The following EMP2 variants were observed in gnomAD, a reference collection of about 807,000 sequenced individuals.
EMP2 encodes epithelial membrane protein 2.
A neutral mutation model predicts 13.7 loss-of-function variants in EMP2; 19 were observed. The observed-to-expected ratio is 1.38, with a 90% CI of 0.97 to 2.03. EMP2 has a LOEUF of 2.03. EMP2 is among the 30% of genes most tolerant of loss of function. The pLI, the probability that EMP2 is intolerant of heterozygous loss-of-function variation, is 0.00. For synonymous variants in EMP2, 97 were observed against 84.7 expected (o/e 1.15, Z -0.80); for missense variants, 253 against 220.7 (o/e 1.15, Z -0.93).
intron 1 of EMP2, among the ~76,000 whole-genome samples, chr16:10,548,420 G>A (rs2050756289): frequency 6.6e-6 from 1 of 152,178 alleles, no homozygotes; most frequent in Admixed American, 6.5e-5. Context: ...GCTGGGCATG[G>A]TGGCTCACGC....
intron 1 of EMP2, among the ~76,000 whole-genome samples, chr16:10,577,734 G>A (rs12325612): frequency 9.2e-5 from 14 of 152,076 alleles, no homozygotes; most frequent in Admixed American, 2.0e-4. Flanking sequence ...CAGGCATCCC[G>A]AGGCTGGCCT....
intron 1 of EMP2, among the ~76,000 whole-genome samples, chr16:10,556,601 G>A (rs1186860802): frequency 2.0e-5 from 3 of 152,176 alleles, no homozygotes; most frequent in Non-Finnish European, 4.4e-5. Flanking sequence ...CTGGGGAAGG[G>A]GTGCCCACAG....
At chr16:10,561,387 A>G (rs1158735050) in intron 1 of EMP2, among the ~76,000 whole-genome samples, 1 of 152,204 alleles carries the variant, frequency 6.6e-6, no homozygotes, top group Non-Finnish European at 1.5e-5. Context: ...CAGGTGGCAG[A>G]CAAAGCCACT....
At chr16:10,570,930 G>T (rs546688370) in intron 1 of EMP2, among the ~76,000 whole-genome samples, 1 of 152,198 alleles carries the variant, frequency 6.6e-6, no homozygotes, top group East Asian at 1.9e-4. Context: ...GCGAGGGAAA[G>T]AGCAGGTAGA....
intron 1 of EMP2, among the ~76,000 whole-genome samples, chr16:10,556,847 G>A (rs115253963): frequency 6.6e-5 from 10 of 152,088 alleles, no homozygotes; most frequent in African/African-American, 1.9e-4. Context: ...ATTTTTATAC[G>A]ACTCTCTTTC....
chr16:10,562,770 G>C (rs574798612), intron 1 of EMP2, among the ~76,000 whole-genome samples: 1 of 152,206 alleles, frequency 6.6e-6, no homozygotes. Context: ...ACCTTCCCCA[G>C]TGCCCAAGGT....
chr16:10,572,643 G>T (rs1324964040), intron 1 of EMP2, among the ~76,000 whole-genome samples: 2 of 152,128 alleles, frequency 1.3e-5, no homozygotes, highest in East Asian at 3.8e-4. Flanking sequence ...CCAAGTTCAG[G>T]TATTAAGGAT....
intron 1 of EMP2, among the ~76,000 whole-genome samples, chr16:10,568,836 G>C (rs563581098): frequency 4.7e-4 from 64 of 137,266 alleles, no homozygotes; most frequent in African/African-American, 1.8e-3. Context: ...ACCCAAGCTG[G>C]AGTACAGTGG....
intron 1 of EMP2, among the ~76,000 whole-genome samples, chr16:10,562,891 C>G (rs1206196632): frequency 6.6e-6 from 1 of 152,210 alleles, no homozygotes; most frequent in Non-Finnish European, 1.5e-5. Flanking sequence ...TTAAAGAGCT[C>G]ACTGCTGGCT....
At chr16:10,543,042 C>T (rs1015095416) in intron 3 of EMP2, among the ~76,000 whole-genome samples, 7 of 152,138 alleles carry the variant, frequency 4.6e-5, no homozygotes, top group Admixed American at 6.5e-5. Context: ...GATGGGGTTT[C>T]GCCATATTGA....
intron 4 of EMP2, among the ~76,000 whole-genome samples, chr16:10,535,771 G>T (rs932662508): frequency 1.3e-5 from 2 of 152,148 alleles, no homozygotes; most frequent in Admixed American, 6.5e-5. Context: ...GAGGGTGGGG[G>T]GTCCACGCCT....
chr16:10,552,402 A>G (rs1004679159), intron 1 of EMP2, among the ~76,000 whole-genome samples: 5 of 152,230 alleles, frequency 3.3e-5, no homozygotes, highest in African/African-American at 1.2e-4. Flanking sequence ...GTTATAAGGC[A>G]TGATTTTGGA....
intron 2 of EMP2, 161 bp downstream of exon 2, chr16:10,547,379 C>A: frequency 3.9e-6 from 3 of 767,426 alleles, no homozygotes; most frequent in Non-Finnish European, 6.2e-6. Flanking sequence ...CAGAGGCCTC[C>A]CAGACATGTG....
chr16:10,558,832 C>T (rs758240438), intron 1 of EMP2, among the ~76,000 whole-genome samples: 1 of 152,126 alleles, frequency 6.6e-6, no homozygotes, highest in Non-Finnish European at 1.5e-5. Context: ...GGAGAGAGAA[C>T]GTGCTGTTAA....
intron 1 of EMP2, among the ~76,000 whole-genome samples, chr16:10,567,240 C>T (rs1488141341): frequency 1.3e-5 from 2 of 152,210 alleles, no homozygotes; most frequent in Admixed American, 1.3e-4. Context: ...AGCACAGTGC[C>T]TGGTCCACAG....
chr16:10,538,210 G>T (rs2050666044), intron 3 of EMP2, 136 bp from the exon 4 acceptor site: 4 of 1,080,042 alleles, frequency 3.7e-6, no homozygotes, highest in Admixed American at 4.9e-5. Flanking sequence ...CGTCTACATG[G>T]TCTGAGCACA....
intron 4 of EMP2, among the ~76,000 whole-genome samples, chr16:10,535,535 A>G (rs1244092978): frequency 6.6e-6 from 1 of 152,112 alleles, no homozygotes; most frequent in Non-Finnish European, 1.5e-5. Flanking sequence ...CCTGCACAAC[A>G]TAGTGAAACC....
chr16:10,535,228 G>T (rs1383887486), intron 4 of EMP2, among the ~76,000 whole-genome samples: 1 of 152,180 alleles, frequency 6.6e-6, no homozygotes, highest in Non-Finnish European at 1.5e-5. Context: ...GGGAGGGCCA[G>T]GTCTTTGGAC....
intron 1 of EMP2, among the ~76,000 whole-genome samples, chr16:10,550,432 T>C (rs982999210): frequency 4.6e-5 from 7 of 152,228 alleles, no homozygotes; most frequent in Admixed American, 2.0e-4. Context: ...TTCATAACAT[T>C]GATATTATTT....
Sources: gnomAD v4.1 joint callset for allele counts (sites outside exome capture counted in the v4.1 genomes callset) on GRCh38, gnomAD v4.1.1 for gene constraint, MANE v1.5 for transcripts, NCBI Gene and HGNC (gene_info 2026-07-23, HGNC 2026-07-21) for gene names.